Variants in ANO10 observed in about 807,000 individuals in gnomAD.
The protein encoded by ANO10 is anoctamin-10.
ANO10 carries 77 observed loss-of-function variants against 74.7 expected under a neutral mutation model. That is an observed-to-expected ratio of 1.03 (90% CI 0.86 to 1.25). The LOEUF (loss-of-function observed/expected upper bound fraction) is 1.25, where lower values mean the gene tolerates loss of function less well. Among genes scored for constraint, ANO10 ranks in the 50% most tolerant of loss-of-function variants. ANO10 has a pLI of 0.00. For synonymous variants in ANO10, 279 were observed against 284.9 expected (o/e 0.98, Z 0.21); for missense variants, 721 against 778.1 (o/e 0.93, Z 0.87).
At chr3:43,674,970 T>C (rs1011255685) in intron 1 of ANO10, among the ~76,000 whole-genome samples, 1 of 152,216 alleles carries the variant, frequency 6.6e-6, no homozygotes, top group Non-Finnish European at 1.5e-5. Flanking sequence ...GCTGGGGCAA[T>C]AAATCCTTCC....
At chr3:43,397,783 C>T (rs1222075284) in intron 12 of ANO10, among the ~76,000 whole-genome samples, 1 of 152,158 alleles carries the variant, frequency 6.6e-6, no homozygotes, top group East Asian at 1.9e-4. Context: ...GCTGTGGCCT[C>T]CCCAGACTCT....
chr3:43,366,871 C>A lies in ANO10; in HGVS notation c.*35G>T, dbSNP rs374056456. ...GTGGCAGGTGTGGCACAGACACAGGCCTCTGCCAACAGGGCAGCTGGGCAC... is the reference window on the plus strand; with the variant it reads ...GTGGCAGGTGTGGCACAGACACAGGACTCTGCCAACAGGGCAGCTGGGCAC... On this transcript the variant is annotated 3_prime_UTR_variant, in exon 13 of 13. Coordinates refer to ENST00000292246, the MANE Select transcript of ANO10 (RefSeq NM_018075.5). 4 of 1,553,882 alleles carry A rather than the reference C, an allele frequency of 2.6e-6. No individual in the cohort carries two copies. The highest frequency in any genetic ancestry group is 3.5e-6 in the Non-Finnish European group (4 of 1,146,122).
Position 43,510,926 on chromosome 3 carries a change from C to A in ANO10, c.1797+38794G>T, listed in dbSNP as rs73832609. On this transcript the variant is annotated intron_variant, in intron 11 of 12. Transcript: ENST00000292246. ...AAAACGATATTTTAAAATAGTAGGA[C>A]ACAATCATATTTAGTTTTAGTATAA... Among the ~76,000 whole-genome samples, 620 of 152,248 alleles carry A rather than the reference C, an allele frequency of 4.1e-3. 7 individuals carry two copies. Among genetic ancestry groups the A allele is most frequent in the African/African-American group, 0.014 (588 of 41,550 alleles).
rs2079372606 is a variant in ANO10 at position 43,549,777 on chromosome 3, C to T, written c.1740G>A (p.Val580=). The change falls in exon 11 of 13, where the codon GTG becomes GTA. Residue 580 remains valine (V), a synonymous_variant. Coordinates refer to ENST00000292246, the MANE Select transcript of ANO10 (RefSeq NM_018075.5). Reference sequence around the variant, plus strand: ...CTTTTGATTCTGGAAAGACTGCATTCACTTGTGGTGACATTCCAATCAGCG... The same window carrying T: ...CTTTTGATTCTGGAAAGACTGCATTTACTTGTGGTGACATTCCAATCAGCG... The part of the protein sequence containing the change: ...NCALIGMSPQ[V]NAVFPESKAD... 1 of 1,614,022 alleles carries T rather than the reference C, an allele frequency of 6.2e-7. No homozygotes were observed. The highest frequency in any genetic ancestry group is 1.1e-5 in the South Asian group (1 of 91,076).
intron 1 of ANO10, among the ~76,000 whole-genome samples, chr3:43,629,593 T>C (rs2083526380): frequency 2.0e-5 from 3 of 152,092 alleles, no homozygotes; most frequent in Non-Finnish European, 4.4e-5. Context: ...AGACAAGAGA[T>C]GGATTGATTG....
At chr3:43,605,616 T>C (rs2082524061) in intron 2 of ANO10, 98 bp downstream of exon 2, 2 of 1,465,436 alleles carry the variant, frequency 1.4e-6, no homozygotes, top group Non-Finnish European at 1.9e-6. Context: ...TAAAACACAT[T>C]TGCAAATACA....
intron 11 of ANO10, chr3:43,485,330 T>G (rs1372452126): frequency 5.8e-6 from 3 of 519,364 alleles, no homozygotes; most frequent in Non-Finnish European, 7.0e-6. Flanking sequence ...TCCGACAGGG[T>G]GTCCGCTGTG....
intron 11 of ANO10, among the ~76,000 whole-genome samples, chr3:43,502,109 CA>C (rs2077121935): frequency 6.6e-6 from 1 of 152,124 alleles, no homozygotes; most frequent in South Asian, 2.1e-4. Flanking sequence ...GGAAATTCCT[CA>C]AATAATTAAA....
At chr3:43,451,406 C>T (rs966290343) in intron 11 of ANO10, among the ~76,000 whole-genome samples, 5 of 152,176 alleles carry the variant, frequency 3.3e-5, no homozygotes, top group Non-Finnish European at 5.9e-5. Context: ...GGCGTTGTTG[C>T]CCAACTTCTC....
At chr3:43,674,265 G>A (rs1036278983) in intron 1 of ANO10, among the ~76,000 whole-genome samples, 10 of 152,146 alleles carry the variant, frequency 6.6e-5, no homozygotes, top group African/African-American at 2.4e-4. Flanking sequence ...TTATCCTCCA[G>A]AGTAGCTGGG....
At chr3:43,474,176 G>A (rs991922994) in intron 11 of ANO10, among the ~76,000 whole-genome samples, 13 of 152,080 alleles carry the variant, frequency 8.5e-5, no homozygotes, top group African/African-American at 1.7e-4. Flanking sequence ...CTGATTACAC[G>A]TGGTCATACC....
intron 11 of ANO10, among the ~76,000 whole-genome samples, chr3:43,487,343 C>T (rs895195862): frequency 1.3e-5 from 2 of 152,100 alleles, no homozygotes; most frequent in African/African-American, 4.8e-5. Flanking sequence ...AGGATTCCCT[C>T]TTTTTCTATT....
intron 1 of ANO10, chr3:43,690,968 T>G (rs777898424): frequency 5.6e-5 from 87 of 1,566,022 alleles, no homozygotes; most frequent in Non-Finnish European, 7.4e-5. Flanking sequence ...TCGAGATAAG[T>G]CCCGGCGCTT....
chr3:43,528,792 C>G (rs1220696187), intron 11 of ANO10, among the ~76,000 whole-genome samples: 1 of 152,034 alleles, frequency 6.6e-6, no homozygotes, highest in East Asian at 1.9e-4. Context: ...AACCCCATCT[C>G]TACAAAAAAT....
chr3:43,634,690 T>A (rs1036999074), intron 1 of ANO10, among the ~76,000 whole-genome samples: 1 of 152,192 alleles, frequency 6.6e-6, no homozygotes, highest in Non-Finnish European at 1.5e-5. Flanking sequence ...CTGGTGACCA[T>A]CCTGGAAGAC....
chr3:43,624,301 T>C (rs552088974), upstream of ANO10, among the ~76,000 whole-genome samples: 49 of 152,316 alleles, frequency 3.2e-4, no homozygotes, highest in East Asian at 5.4e-3. Flanking sequence ...CCAAAAGGTA[T>C]GTAGCATTGA....
intron 1 of ANO10, among the ~76,000 whole-genome samples, chr3:43,632,498 G>A (rs947118049): frequency 2.6e-5 from 4 of 152,262 alleles, no homozygotes; most frequent in African/African-American, 4.8e-5. Flanking sequence ...GGCCTAGAAC[G>A]GTAATGACTC....
At chr3:43,529,415 G>A (rs1007400264) in intron 11 of ANO10, among the ~76,000 whole-genome samples, 7 of 152,096 alleles carry the variant, frequency 4.6e-5, no homozygotes, top group African/African-American at 1.7e-4. Context: ...TATACCATTT[G>A]GGATTTTTTT....
At chr3:43,614,106 A>G (rs2082967179) in intron 1 of ANO10, among the ~76,000 whole-genome samples, 1 of 152,236 alleles carries the variant, frequency 6.6e-6, no homozygotes, top group African/African-American at 2.4e-5. Context: ...AGGGAACAAT[A>G]AAGTGTTCCG....
Sources: gnomAD v4.1 joint callset for allele counts (sites outside exome capture counted in the v4.1 genomes callset) on GRCh38, gnomAD v4.1.1 for gene constraint, MANE v1.5 for transcripts, NCBI Gene and HGNC (gene_info 2026-07-23, HGNC 2026-07-21) for gene names.